The following GDAP1 variants were observed in gnomAD, a reference collection of about 807,000 sequenced individuals.
The protein encoded by GDAP1 is ganglioside induced differentiation associated protein 1, also known as ganglioside-induced differentiation-associated protein 1.
In GDAP1, 34 loss-of-function variants were observed where a neutral mutation model predicts 40.1. That is an observed-to-expected ratio of 0.85 (90% CI 0.64 to 1.13). The LOEUF (loss-of-function observed/expected upper bound fraction) is 1.13, where lower values mean the gene tolerates loss of function less well. GDAP1 is among the 50% of genes most tolerant of loss of function. GDAP1 has a pLI of 0.00. For synonymous variants in GDAP1, 170 were observed against 157.4 expected (o/e 1.08, Z -0.60); for missense variants, 374 against 433.7 (o/e 0.86, Z 1.22).
chr8:74,418,862 TAGAC>T (rs74486828), intron 2 of GDAP1, among the ~76,000 whole-genome samples: 64,517 of 151,692 alleles, frequency 0.43, 14,378 homozygotes, highest in African/African-American at 0.58. Flanking sequence ...ATTAAAAAAA[TAGAC>T]AAAAGACTTT....
intron 2 of GDAP1, among the ~76,000 whole-genome samples, chr8:74,430,007 C>T (rs1250467563): frequency 6.6e-6 from 1 of 151,942 alleles, no homozygotes; most frequent in African/African-American, 2.4e-5. Context: ...AGAGCAACCA[C>T]ATAGAAAGAT....
At chr8:74,444,296 G>A (rs1806203645) in intron 2 of GDAP1, among the ~76,000 whole-genome samples, 1 of 151,542 alleles carries the variant, frequency 6.6e-6, no homozygotes, top group South Asian at 2.1e-4. Context: ...TTACCCAGAA[G>A]AGAAGATACG....
intron 2 of GDAP1, among the ~76,000 whole-genome samples, chr8:74,410,787 G>A (rs1390965163): frequency 6.7e-6 from 1 of 150,294 alleles, no homozygotes; most frequent in African/African-American, 2.5e-5. Flanking sequence ...TATTTTGGCT[G>A]TTGCCATGTT....
chr8:74,371,523 G>A (rs922867198), downstream of GDAP1, among the ~76,000 whole-genome samples: 1 of 152,028 alleles, frequency 6.6e-6, no homozygotes, highest in Admixed American at 6.5e-5. Flanking sequence ...AGCCGGGCGT[G>A]GTAGCGGGCG....
chr8:74,443,980 G>GTCTGTCTATCTA (rs1368436475), intron 2 of GDAP1, among the ~76,000 whole-genome samples: 50 of 147,308 alleles, frequency 3.4e-4, no homozygotes, highest in Non-Finnish European at 6.7e-4. Context: ...CTTTCTGTCT[G>GTCTGTCTATCTA]TCTATCTATC....
intron 2 of GDAP1, among the ~76,000 whole-genome samples, chr8:74,443,706 T>C (rs1806192258): frequency 1.3e-5 from 2 of 152,176 alleles, no homozygotes; most frequent in East Asian, 3.9e-4. Flanking sequence ...GCACCCCAGC[T>C]ATGGGACTGG....
At chr8:74,472,187 G>T (rs1408836983) in intron 2 of GDAP1, among the ~76,000 whole-genome samples, 1 of 152,136 alleles carries the variant, frequency 6.6e-6, no homozygotes, top group Non-Finnish European at 1.5e-5. Context: ...AGACTATGTT[G>T]TATTTGGTTT....
chr8:74,457,669 C>T (rs530151940), intron 2 of GDAP1, among the ~76,000 whole-genome samples: 16 of 152,096 alleles, frequency 1.1e-4, no homozygotes, highest in East Asian at 5.8e-4. Context: ...TTTTTTTAAA[C>T]GAAGAACATT....
At chr8:74,417,757 C>CA (rs71269993) in intron 2 of GDAP1, among the ~76,000 whole-genome samples, 2,200 of 75,598 alleles carry the variant, frequency 0.029, 61 homozygotes, top group African/African-American at 0.054. Context: ...AACTCCATCT[C>CA]AAAAAAAAAA....
chr8:74,470,159 G>A (rs1348456934), intron 2 of GDAP1, among the ~76,000 whole-genome samples: 1 of 151,208 alleles, frequency 6.6e-6, no homozygotes, highest in Non-Finnish European at 1.5e-5. Context: ...TATTCGTTTC[G>A]TCCAAGTTTT....
Position 74,363,872 on chromosome 8 carries a change from C to T in GDAP1, c.695-113C>T, listed in dbSNP as rs575424798. The T allele has an allele frequency of 9.6e-6, 8 of 830,074 alleles. No homozygotes were observed. The African/African-American group carries it at 1.4e-4, about 14-fold the overall frequency. The allele number at this position is 830,074 out of a possible 1,614,324, so 51.4% of individuals were successfully genotyped here. A position where few individuals can be genotyped will look rare whatever the true frequency, so the allele number is the denominator to read the frequency against. On this transcript the variant is annotated intron_variant, in intron 5 of 5. Coordinates refer to ENST00000220822, the MANE Select transcript of GDAP1 (RefSeq NM_018972.4). ...GTCAAGAAAATAAATATATAATGTC[C>T]TTCATCTTTTGCTATACTCACACTC... is the stretch of plus-strand genomic sequence containing the variant.
chr8:74,374,051 G>T (rs1219179949), intron 2 of GDAP1, among the ~76,000 whole-genome samples: 1 of 152,142 alleles, frequency 6.6e-6, no homozygotes, highest in East Asian at 1.9e-4. Flanking sequence ...TTATATACTG[G>T]ATTATGTTTA....
In GDAP1 at chr8:74,401,400, C is replaced by T. The variant is rs555548074; in HGVS notation, c.165+50079C>T. Among the ~76,000 whole-genome samples the T allele has an allele frequency of 1.1e-4, 17 of 150,068 alleles. No homozygotes were observed. In the South Asian group the frequency reaches 2.9e-3, roughly 26 times the overall value. ...AGTTCTCGAGCCTTGGCTTTCAGCT[C>T]CGTCAGCTCCTTTAAGCACTTCTCT... On this transcript the variant is annotated intron_variant, in intron 2 of 2. Transcript: ENST00000523640.
intron 1 of GDAP1, 55 bp downstream of exon 1, chr8:74,350,633 C>T: frequency 9.1e-7 from 1 of 1,104,718 alleles, no homozygotes; most frequent in East Asian, 2.3e-5. Context: ...AGCACTGGGA[C>T]AGCTCCTTCT....
intron 5 of GDAP1, 68 bp from the exon 6 acceptor site, chr8:74,363,917 C>G (rs1434389434): frequency 7.3e-7 from 1 of 1,378,100 alleles, no homozygotes; most frequent in African/African-American, 1.4e-5. Context: ...GGTGAGACCA[C>G]TGATACCAGC....
At position 74,400,607 on chromosome 8, in the gene GDAP1, G is replaced by T. The variant is rs545980732; in HGVS notation, c.165+49286G>T. 8.0e-5 allele frequency among the ~76,000 whole-genome samples: 12 copies of T among 149,934 alleles called. 2 individuals carry two copies. Among genetic ancestry groups the T allele is most frequent in the African/African-American group, 3.1e-4 (12 of 39,304 alleles). Reference sequence around the variant, plus strand: ...TGATCCTGTCATTGTGATGTTAGCTGGTTATTTTGCTTGTTAGTTGATGCA... The same window carrying T: ...TGATCCTGTCATTGTGATGTTAGCTTGTTATTTTGCTTGTTAGTTGATGCA... On this transcript the variant is annotated intron_variant, in intron 2 of 2. Transcript: ENST00000523640.
In GDAP1 at chr8:74,366,282, C is replaced by G. The variant is rs374926619; in HGVS notation, c.*1915C>G. ...TGTTTGTTTAGGGATACAATGACCA[C>G]TAGATGTCGCTGTTTATCCAGTAGA... On this transcript the variant is annotated 3_prime_UTR_variant, in exon 6 of 6. Coordinates refer to ENST00000220822, the MANE Select transcript of GDAP1 (RefSeq NM_018972.4). The G allele has an allele frequency of 2.2e-6, 1 of 454,386 alleles. No individual in the cohort carries two copies. Among genetic ancestry groups the G allele is most frequent in the Admixed American group, 2.3e-5 (1 of 42,558 alleles). 28.1% of individuals were successfully genotyped at this position (454,386 alleles called of 1,614,324 possible).
chr8:74,471,727 C>CTAGAA (rs1324687346), intron 2 of GDAP1, among the ~76,000 whole-genome samples: 1 of 152,116 alleles, frequency 6.6e-6, no homozygotes, highest in East Asian at 1.9e-4. Context: ...CACTGTCGGT[C>CTAGAA]AGTTTACACT....
intron 2 of GDAP1, among the ~76,000 whole-genome samples, chr8:74,379,834 T>A (rs1019323892): frequency 6.6e-6 from 1 of 152,166 alleles, no homozygotes; most frequent in African/African-American, 2.4e-5. Context: ...CAAAACATCC[T>A]AAATAGGAGC....
Sources: allele counts gnomAD v4.1 joint callset (sites outside exome capture counted in the v4.1 genomes callset), GRCh38; gene constraint gnomAD v4.1.1; transcripts MANE v1.5; gene names NCBI Gene and HGNC (gene_info 2026-07-23, HGNC 2026-07-21).